The following SUGCT variants were observed in gnomAD, a reference collection of about 807,000 sequenced individuals.
SUGCT encodes succinyl-CoA:glutarate-CoA transferase, also known as succinyl-CoA:glutarate CoA-transferase.
In SUGCT, 41 loss-of-function variants were observed where a neutral mutation model predicts 55.0. The ratio of observed to expected loss-of-function variants is 0.74; its 90% CI spans 0.58 to 0.97. The LOEUF is 0.97. Ranked by LOEUF, SUGCT falls within the 50% of genes least tolerant of loss-of-function variation. The probability of loss-of-function intolerance (pLI) is 0.00; values close to 1 mark genes in which losing one functional copy is unlikely to be tolerated. For synonymous variants in SUGCT, 187 were observed against 200.4 expected (o/e 0.93, Z 0.56); for missense variants, 568 against 547.8 (o/e 1.04, Z -0.37).
At position 40,624,797 on chromosome 7, in the gene SUGCT, ACACACACACACACACG is replaced by A. The variant is rs1344061978; in HGVS notation, c.1090-124631_1090-124616del. 6.9e-4 allele frequency among the ~76,000 whole-genome samples: 101 copies of A among 147,214 alleles called. 1 individual carries two copies. Among genetic ancestry groups the A allele is most frequent in the African/African-American group, 2.5e-3 (97 of 38,278 alleles). On this transcript the variant is annotated intron_variant, in intron 12 of 13. Transcript: ENST00000335693. ...AACACACACACACACACACACACAC[ACACACACACACACACG>A]CACACCACAAACACGCCAAGCTGAG...
At chr7:40,254,686 C>T (rs1241463843) in intron 7 of SUGCT, among the ~76,000 whole-genome samples, 2 of 151,770 alleles carry the variant, frequency 1.3e-5, no homozygotes, top group East Asian at 1.9e-4. Context: ...TCAGCCACCG[C>T]ACCCAGCCAA....
At chr7:40,991,805 C>A in the SUGCT span, among the ~76,000 whole-genome samples, 44 of 152,202 alleles carry the variant, frequency 2.9e-4, no homozygotes, top group Admixed American at 5.2e-4. Flanking sequence ...AATGATAATA[C>A]CTCCAGGACG....
the SUGCT span, among the ~76,000 whole-genome samples, chr7:40,982,911 C>T: frequency 5.9e-5 from 9 of 152,184 alleles, no homozygotes; most frequent in Middle Eastern, 3.4e-3. Context: ...AGCCTCCCAA[C>T]GTTCTGGGAT....
the SUGCT span, among the ~76,000 whole-genome samples, chr7:40,893,924 G>C: frequency 6.6e-6 from 1 of 152,058 alleles, no homozygotes; most frequent in Admixed American, 6.6e-5. Context: ...AGCTGCACAT[G>C]GTGGCAGGCA....
chr7:40,935,851 T>G, the SUGCT span, among the ~76,000 whole-genome samples: 2 of 152,320 alleles, frequency 1.3e-5, no homozygotes, highest in South Asian at 4.1e-4. Context: ...TACCATTTTA[T>G]AATCTCACCA....
At chr7:40,766,886 A>G (rs1207770398) in intron 13 of SUGCT, among the ~76,000 whole-genome samples, 3 of 152,196 alleles carry the variant, frequency 2.0e-5, no homozygotes, top group Admixed American at 6.5e-5. Context: ...GTGACATTTA[A>G]TTTGCACTAT....
intron 9 of SUGCT, among the ~76,000 whole-genome samples, chr7:40,407,326 C>G (rs1360113452): frequency 6.6e-6 from 1 of 151,894 alleles, no homozygotes; most frequent in African/African-American, 2.4e-5. Flanking sequence ...AGTATTTAAG[C>G]ATAATTCCAG....
chr7:40,803,376 C>T (rs887719754), intron 13 of SUGCT, among the ~76,000 whole-genome samples: 12 of 152,062 alleles, frequency 7.9e-5, no homozygotes, highest in Non-Finnish European at 1.2e-4. Flanking sequence ...CTTATCTTAC[C>T]GATGGGCAGC....
chr7:40,204,624 G>A (rs566584975), intron 6 of SUGCT, among the ~76,000 whole-genome samples: 1 of 152,030 alleles, frequency 6.6e-6, no homozygotes, highest in South Asian at 2.1e-4. Context: ...ATGAAACTGT[G>A]GGATTAAGAA....
the SUGCT span, among the ~76,000 whole-genome samples, chr7:40,936,635 T>C: frequency 1.3e-5 from 2 of 151,674 alleles, no homozygotes; most frequent in Non-Finnish European, 2.9e-5. Context: ...TTCTTACTCC[T>C]TGTTTTGTGT....
the SUGCT span, among the ~76,000 whole-genome samples, chr7:40,868,269 G>T: frequency 6.6e-6 from 1 of 152,126 alleles, no homozygotes; most frequent in Non-Finnish European, 1.5e-5. Context: ...CATGTGCCAT[G>T]TTGGTTTGCT....
the SUGCT span, among the ~76,000 whole-genome samples, chr7:40,991,807 T>A: frequency 1.3e-5 from 2 of 152,046 alleles, no homozygotes; most frequent in African/African-American, 2.4e-5. Context: ...TGATAATACC[T>A]CCAGGACGAG....
chr7:40,872,129 ACTC>A, the SUGCT span, among the ~76,000 whole-genome samples: 2 of 152,068 alleles, frequency 1.3e-5, no homozygotes, highest in East Asian at 3.9e-4. Context: ...CACAGCAAAA[ACTC>A]AGCCTAAAAT....
intron 13 of SUGCT, among the ~76,000 whole-genome samples, chr7:40,797,717 C>T (rs1790617295): frequency 6.6e-6 from 1 of 151,502 alleles, no homozygotes; most frequent in South Asian, 2.1e-4. Context: ...AAAGCATGAA[C>T]CCCCCCCAAA....
intron 13 of SUGCT, among the ~76,000 whole-genome samples, chr7:40,772,697 A>G (rs1789236772): frequency 6.6e-6 from 1 of 151,486 alleles, no homozygotes; most frequent in Admixed American, 6.6e-5. Flanking sequence ...CAGTGCAATC[A>G]TGGCTCACTG....
At chr7:40,835,624 A>G (rs1222778506) in intron 13 of SUGCT, among the ~76,000 whole-genome samples, 1 of 152,214 alleles carries the variant, frequency 6.6e-6, no homozygotes, top group Non-Finnish European at 1.5e-5. Context: ...CTTACAAACA[A>G]TTTGGAAGAA....
chr7:40,855,193 T>A (rs1017762247), intron 13 of SUGCT, among the ~76,000 whole-genome samples: 2 of 151,810 alleles, frequency 1.3e-5, no homozygotes, highest in Non-Finnish European at 2.9e-5. Context: ...TACTGTTGGA[T>A]TCTCAGTTGA....
At chr7:40,953,283 G>A in the SUGCT span, among the ~76,000 whole-genome samples, 1 of 152,144 alleles carries the variant, frequency 6.6e-6, no homozygotes, top group African/African-American at 2.4e-5. Flanking sequence ...TAGTTCTCGT[G>A]CCATGGTTTT....
chr7:40,895,616 GA>G, the SUGCT span, among the ~76,000 whole-genome samples: 539 of 151,368 alleles, frequency 3.6e-3, 3 homozygotes, highest in African/African-American at 0.012. Flanking sequence ...AACAGACACA[GA>G]AAAAAAATTT....
Sources: allele counts gnomAD v4.1 joint callset (sites outside exome capture counted in the v4.1 genomes callset), GRCh38; gene constraint gnomAD v4.1.1; transcripts MANE v1.5; gene names NCBI Gene and HGNC (gene_info 2026-07-23, HGNC 2026-07-21).